The following MKI67 variants were observed in gnomAD, a reference collection of about 807,000 sequenced individuals.
The protein encoded by MKI67 is marker of proliferation Ki-67.
Under a neutral mutation model 233.5 loss-of-function variants are expected in MKI67, and 152 were observed. The observed-to-expected ratio is 0.65, with a 90% CI of 0.57 to 0.74. The LOEUF is 0.74. Among genes scored for constraint, MKI67 ranks in the 30% least tolerant of loss-of-function variants. The pLI, the probability that MKI67 is intolerant of heterozygous loss-of-function variation, is 0.00. For synonymous variants in MKI67, 1,465 were observed against 1,418.5 expected (o/e 1.03, Z -0.74); for missense variants, 3,940 against 3,885.2 (o/e 1.01, Z -0.37).
chr10:128,106,964 G>T lies in MKI67; in HGVS notation c.4876C>A (p.Pro1626Thr), dbSNP rs369490366. 64 of 1,613,928 alleles carry T rather than the reference G, an allele frequency of 4.0e-5. No individual in the cohort carries two copies. The Admixed American group carries it at 7.8e-4, about 20-fold the overall frequency. The part of the protein sequence containing the change: ...KSSQPDPDKN[P>T]ASSKRRLKTS... ...TTGAGCCGTCGCTTGGAGCTTGCTG[G>T]GTTTTTGTCTGGGTCTGGTTGTGAA... The change falls in exon 13 of 15, where the codon CCA becomes ACA. Residue 1626 changes from proline (P) to threonine (T), a missense_variant. Coordinates refer to ENST00000368654, the MANE Select transcript of MKI67 (RefSeq NM_002417.5).
At position 128,104,387 on chromosome 10, in the gene MKI67, G is replaced by C. The variant is rs770068266; in HGVS notation, c.7453C>G (p.Pro2485Ala). Reference protein sequence around the residue: ...SRSSKQRLKIPLVKVDMKEEP... With the variant: ...SRSSKQRLKIALVKVDMKEEP... ...TCTTTCATGTCCACTTTCACCAGGGGTATCTTGAGCCTTTGCTTGGAGCTT... is the reference window on the plus strand; with the variant it reads ...TCTTTCATGTCCACTTTCACCAGGGCTATCTTGAGCCTTTGCTTGGAGCTT... Residue 2485 changes from proline (P) to alanine (A), a missense_variant, in exon 13 of 15, where the codon CCC (proline) becomes GCC (alanine). Coordinates refer to ENST00000368654, the MANE Select transcript of MKI67 (RefSeq NM_002417.5). The C allele has an allele frequency of 6.2e-7, 1 of 1,614,178 alleles. No homozygotes were observed. The highest frequency in any genetic ancestry group is 8.5e-7 in the Non-Finnish European group (1 of 1,180,044).
intron 14 of MKI67, among the ~76,000 whole-genome samples, chr10:128,099,709 C>T (rs186306059): frequency 1.0e-3 from 153 of 152,326 alleles, no homozygotes; most frequent in Middle Eastern, 3.4e-3. Flanking sequence ...TAGTTCTCAC[C>T]CCTTGGCTAA....
Position 128,105,127 on chromosome 10 carries a change from T to C in MKI67, c.6713A>G (p.Gln2238Arg). Residue 2238 changes from glutamine (Q) to arginine (R), a missense_variant, in exon 13 of 15, where the codon CAG becomes CGG. Physicochemically the swap from Gln to Arg is conservative, Grantham distance 43. Transcript: ENST00000368654. Reference sequence around the variant, plus strand: ...TGCTTTCCTGAGACTTCTCTTGGACTGTGGCTTGAAGATTGTTGGGGTACC... The same window carrying C: ...TGCTTTCCTGAGACTTCTCTTGGACCGTGGCTTGAAGATTGTTGGGGTACC... ...PVGTPTIFKP[Q>R]SKRSLRKADV... 6.2e-7 allele frequency: 1 copy of C among 1,613,852 alleles called. No individual in the cohort carries two copies.
rs1184350245 is a variant in MKI67 at position 128,101,459 on chromosome 10, C to T, written c.9504G>A (p.Lys3168=). ...SARQNESSQP[K]VAEESGGQKS... ...TCTGCCCTCCGCTCTCCTCTGCCAC[C>T]TTAGGCTGGGAGCTCTCATTCTGTC... Residue 3168 remains lysine, a synonymous_variant, in exon 14 of 15, where the codon AAG becomes AAA. Coordinates refer to ENST00000368654, the MANE Select transcript of MKI67 (RefSeq NM_002417.5). 1.9e-6 allele frequency: 3 copies of T among 1,614,070 alleles called. No individual in the cohort carries two copies. Among genetic ancestry groups the T allele is most frequent in the Non-Finnish European group, 2.5e-6 (3 of 1,180,044 alleles).
At position 128,099,172 on chromosome 10, in the gene MKI67, C is replaced by T; in HGVS notation, c.*18G>A. ...ACAAAACTAACTTTATTATATTTTT[C>T]CCAGTTCGATTTTTCTGTCAAATAT... On this transcript the variant is annotated 3_prime_UTR_variant, in exon 15 of 15. Transcript: ENST00000368654. The T allele has an allele frequency of 1.3e-6, 2 of 1,590,462 alleles. No homozygotes were observed. The highest frequency in any genetic ancestry group is 1.7e-4 in the Middle Eastern group (1 of 5,716).
rs559340637 is a variant in MKI67 at position 128,110,175 on chromosome 10, T to C, written c.2416+203A>G. On this transcript the variant is annotated intron_variant, in intron 12 of 14. Coordinates refer to ENST00000368654, the MANE Select transcript of MKI67 (RefSeq NM_002417.5). Reference sequence around the variant, plus strand: ...CATTTACACACATTAACGGAGTCTTTCTTTCTATATAAGTCAATGAATGCC... The same window carrying C: ...CATTTACACACATTAACGGAGTCTTCCTTTCTATATAAGTCAATGAATGCC... Among the ~76,000 whole-genome samples, 158 of 152,348 alleles carry C rather than the reference T, an allele frequency of 1.0e-3. 1 individual carries two copies. Among genetic ancestry groups the C allele is most frequent in the Middle Eastern group, 6.8e-3 (2 of 294 alleles).
In MKI67 at chr10:128,115,013, C is replaced by A. The variant is rs777463111; in HGVS notation, c.1395G>T (p.Glu465Asp). 2 of 1,610,846 alleles carry A rather than the reference C, an allele frequency of 1.2e-6. No homozygotes were observed. Among genetic ancestry groups the A allele is most frequent in the African/African-American group, 2.7e-5 (2 of 74,894 alleles). Reference sequence around the variant, plus strand: ...TCTGTCCAGCTGTAGTGCCCAATTTCTCAGGCTTGCTGAGGGAATCCTTTT... The same window carrying A: ...TCTGTCCAGCTGTAGTGCCCAATTTATCAGGCTTGCTGAGGGAATCCTTTT... ...KIQKDSLSKP[E>D]KLGTTAGQMC... Residue 465 changes from glutamate to aspartate, a missense_variant, in exon 7 of 15, where the codon GAG (glutamate) becomes GAT (aspartate). Glu to Asp is a conservative substitution (Grantham distance 45). Transcript: ENST00000368654.
rs780140578 is a variant in MKI67 at position 128,104,603 on chromosome 10, G to A, written c.7237C>T (p.Leu2413=). The A allele has an allele frequency of 3.1e-6, 5 of 1,613,934 alleles. No homozygotes were observed. The South Asian group carries it at 5.5e-5, about 18-fold the overall frequency. The change falls in exon 13 of 15, where the codon CTG becomes TTG. Residue 2413 remains leucine, a synonymous_variant. Coordinates refer to ENST00000368654, the MANE Select transcript of MKI67 (RefSeq NM_002417.5). ...FVETPVQKLD[L]LGNLPGSKRQ... Reference sequence around the variant, plus strand: ...TTGCTGCCAGGTAAATTTCCTAGCAGGTCCAGTTTCTGCACTGGAGTTTCC... The same window carrying A: ...TTGCTGCCAGGTAAATTTCCTAGCAAGTCCAGTTTCTGCACTGGAGTTTCC...
rs760348415 is a variant in MKI67 at position 128,108,479 on chromosome 10, C to T, written c.3361G>A (p.Asp1121Asn). Residue 1121 changes from aspartate to asparagine, a missense_variant, in exon 13 of 15, where the codon GAT becomes AAT. Physicochemically the swap from Asp to Asn is conservative, Grantham distance 23 (BLOSUM62 1). Transcript: ENST00000368654. ...TPGPSEESMTDEKTTKIACKS... is the reference protein window; with the variant it reads ...TPGPSEESMTNEKTTKIACKS... ...CAGGCTATTTTGGTAGTTTTCTCAT[C>T]AGTCATTGATTCCTCAGAGGGACCT... 21 of 1,613,728 alleles carry T rather than the reference C, an allele frequency of 1.3e-5. No homozygotes were observed. The highest frequency in any genetic ancestry group is 1.8e-5 in the Non-Finnish European group (21 of 1,179,996).
chr10:128,104,438 G>T lies in MKI67; in HGVS notation c.7402C>A (p.Gln2468Lys). Residue 2468 changes from glutamine to lysine, a missense_variant, in exon 13 of 15, where the codon CAG (glutamine) becomes AAG (lysine). Physicochemically the swap from Gln to Lys is moderately conservative, Grantham distance 53. Transcript: ENST00000368654. ...CTTGAGGTTTTGAATGACTCTGGCTGTGGAGATTTACAGGATACTTCTGTG... is the reference window on the plus strand; with the variant it reads ...CTTGAGGTTTTGAATGACTCTGGCTTTGGAGATTTACAGGATACTTCTGTG... Reference protein sequence around the residue: ...KITEVSCKSPQPESFKTSRSS... With the variant: ...KITEVSCKSPKPESFKTSRSS... The T allele has an allele frequency of 6.2e-7, 1 of 1,614,000 alleles. No individual in the cohort carries two copies. Among genetic ancestry groups the T allele is most frequent in the Non-Finnish European group, 8.5e-7 (1 of 1,180,036 alleles).
chr10:128,119,238 G>T lies in MKI67; in HGVS notation c.354+15C>A. 3 of 1,574,708 alleles carry T rather than the reference G, an allele frequency of 1.9e-6. No homozygotes were observed. The highest frequency in any genetic ancestry group is 1.3e-5 in the African/African-American group (1 of 74,244). On this transcript the variant is annotated intron_variant, in intron 5 of 14. Transcript: ENST00000368654. ...ATCGAAACGAATCAGCCCAAACTTG[G>T]ATATTTTCTATCACCTGTTCACGTA... is the stretch of plus-strand genomic sequence containing the variant.
chr10:128,126,016 GC>G (rs1466793941), intron 1 of MKI67, 82 bp downstream of exon 1: 3 of 320,642 alleles, frequency 9.4e-6, no homozygotes, highest in Non-Finnish European at 1.8e-5. Flanking sequence ...TCTGTCCCCT[GC>G]CCGTCCCCGC....
chr10:128,101,445 C>A lies in MKI67; in HGVS notation c.9518G>T (p.Ser3173Ile), dbSNP rs776407552. 1.2e-6 allele frequency: 2 copies of A among 1,614,226 alleles called. No individual in the cohort carries two copies. Among genetic ancestry groups the A allele is most frequent in the South Asian group, 2.2e-5 (2 of 91,084 alleles). Reference protein sequence around the residue: ...ESSQPKVAEESGGQKSAKVLM... With the variant: ...ESSQPKVAEEIGGQKSAKVLM... The stretch of plus-strand genomic sequence containing the variant: ...AACCTTCGCACTCTTCTGCCCTCCG[C>A]TCTCCTCTGCCACCTTAGGCTGGGA... Residue 3173 changes from serine (S) to isoleucine (I), a missense_variant, in exon 14 of 15, where the codon AGC becomes ATC. By Grantham distance (142) the Ser-to-Ile change is moderately radical. Coordinates refer to ENST00000368654, the MANE Select transcript of MKI67 (RefSeq NM_002417.5).
Position 128,125,021 on chromosome 10 carries a change from C to T in MKI67, c.92+555G>A, listed in dbSNP as rs1853026005. On this transcript the variant is annotated intron_variant, in intron 2 of 14. Coordinates refer to ENST00000368654, the MANE Select transcript of MKI67 (RefSeq NM_002417.5). The surrounding 1 kb of genome is among the most constrained non-coding windows in gnomAD (Gnocchi z 5.3). The stretch of plus-strand genomic sequence containing the variant: ...CCCTTCTCAGGCCTCTAGTGGGACA[C>T]ATGTCAGAGGCTGATGGGGCACTGT... Among the ~76,000 whole-genome samples, 1 of 152,146 alleles carries T rather than the reference C, an allele frequency of 6.6e-6. No individual in the cohort carries two copies. Among genetic ancestry groups the T allele is most frequent in the African/African-American group, 2.4e-5 (1 of 41,438 alleles).
In MKI67 at chr10:128,103,613, T is replaced by A. The variant is rs139981632; in HGVS notation, c.8227A>T (p.Thr2743Ser). The change falls in exon 13 of 15, where the codon ACA becomes TCA. Residue 2743 changes from threonine to serine, a missense_variant. Physicochemically the swap from Thr to Ser is moderately conservative, Grantham distance 58. Transcript: ENST00000368654. ...TCCGTGGTTTCCCCTGATGTTTGTG[T>A]GAACTTGACTGCTGAAGGCTCTTCT... ...VKEEPSAVKFTQTSGETTDAD... is the reference protein window; with the variant it reads ...VKEEPSAVKFSQTSGETTDAD... 206 of 1,614,116 alleles carry A rather than the reference T, an allele frequency of 1.3e-4. No homozygotes were observed. The highest frequency in any genetic ancestry group is 1.6e-4 in the Non-Finnish European group (188 of 1,180,052).
chr10:128,125,276 C>T lies in MKI67; in HGVS notation c.92+300G>A, dbSNP rs975484075. Among the ~76,000 whole-genome samples the T allele has an allele frequency of 5.9e-5, 9 of 152,138 alleles. No homozygotes were observed. Among genetic ancestry groups the T allele is most frequent in the African/African-American group, 2.2e-4 (9 of 41,438 alleles). ...CCCGGGGGCGCACAGTGTCTTCAGA[C>T]GCCTGCCTGCAGCCAGTGACATATG... On this transcript the variant is annotated intron_variant, in intron 2 of 14. Transcript: ENST00000368654. The surrounding 1 kb of genome is among the most constrained non-coding windows in gnomAD (Gnocchi z 5.3).
rs1318068463 is a variant in MKI67 at position 128,106,308 on chromosome 10, A to C, written c.5532T>G (p.Thr1844=). The change falls in exon 13 of 15, where the codon ACT becomes ACG. Residue 1844 remains threonine, a synonymous_variant. Transcript: ENST00000368654. Reference sequence around the variant, plus strand: ...TTTTCTCATCAGTCGTGGGGTTATCAGTGCATGGTGTCTGGAAAAGCTCTC... The same window carrying C: ...TTTTCTCATCAGTCGTGGGGTTATCCGTGCATGGTGTCTGGAAAAGCTCTC... ...GFRELFQTPC[T]DNPTTDEKTT... The C allele has an allele frequency of 6.2e-7, 1 of 1,612,338 alleles. No homozygotes were observed.
Position 128,105,950 on chromosome 10 carries a change from G to A in MKI67, c.5890C>T (p.Pro1964Ser), listed in dbSNP as rs148498245. 76 of 1,614,028 alleles carry A rather than the reference G, an allele frequency of 4.7e-5. No individual in the cohort carries two copies. The highest frequency in any genetic ancestry group is 6.0e-5 in the Non-Finnish European group (71 of 1,180,034). The change falls in exon 13 of 15, where the codon CCA becomes TCA. Residue 1964 changes from proline (P) to serine (S), a missense_variant. Physicochemically the swap from Pro to Ser is moderately conservative, Grantham distance 74 (BLOSUM62 -1). Transcript: ENST00000368654. ...LAGFKELFQT[P>S]GHTEESMTDD... is the part of the protein sequence containing the mutation. ...GTCATTGATTCCTCAGTGTGACCTG[G>A]TGTCTGGAAGAGCTCTTTGAAGCCA...
In MKI67 at chr10:128,115,418, G is replaced by A. The variant is rs1365010572; in HGVS notation, c.990C>T (p.Ser330=). The change falls in exon 7 of 15, where the codon AGC becomes AGT. Residue 330 remains serine, a synonymous_variant. Coordinates refer to ENST00000368654, the MANE Select transcript of MKI67 (RefSeq NM_002417.5). ...GAGGAAAGCTGGCGCCCACAGCCTT[G>A]CTGGGAGTCTGAACAGACTCCACGT... ...GRDVESVQTP[S]KAVGASFPLY... is the part of the protein sequence containing the mutation. The A allele has an allele frequency of 6.2e-7, 1 of 1,613,954 alleles. No homozygotes were observed. Among genetic ancestry groups the A allele is most frequent in the Admixed American group, 1.7e-5 (1 of 59,990 alleles).
Sources: allele counts gnomAD v4.1 joint callset (sites outside exome capture counted in the v4.1 genomes callset), GRCh38; gene constraint gnomAD v4.1.1; non-coding constraint Gnocchi (gnomAD v3.1); transcripts MANE v1.5; gene names NCBI Gene and HGNC (gene_info 2026-07-23, HGNC 2026-07-21).